The following OSBPL3 variants were observed in gnomAD, a reference collection of about 807,000 sequenced individuals.
The protein encoded by OSBPL3 is oxysterol binding protein like 3.
OSBPL3 carries 65 observed loss-of-function variants against 120.1 expected under a neutral mutation model. The observed-to-expected ratio is 0.54, with a 90% CI of 0.44 to 0.67. The LOEUF is 0.67. Among genes scored for constraint, OSBPL3 ranks in the 30% least tolerant of loss-of-function variants. The probability of loss-of-function intolerance (pLI) is 0.00; values close to 1 mark genes in which losing one functional copy is unlikely to be tolerated. For synonymous variants in OSBPL3, 416 were observed against 402.6 expected, an observed-to-expected ratio of 1.03 and a Z score of -0.40; for missense variants, 1,004 against 1,082.1, an observed-to-expected ratio of 0.93 and a Z score of 1.01.
At chr7:24,906,616 C>A (rs1807969298) in intron 1 of OSBPL3, 1 of 154,344 alleles carries the variant, frequency 6.5e-6, no homozygotes, top group African/African-American at 2.4e-5. Flanking sequence ...GGCCATTGGC[C>A]ACTCTGTTCC....
chr7:24,804,499 C>G lies in OSBPL3; in HGVS notation c.2445-62G>C. 6.6e-7 allele frequency: 1 copy of G among 1,515,784 alleles called. No homozygotes were observed. Among genetic ancestry groups the G allele is most frequent in the South Asian group, 1.2e-5 (1 of 85,674 alleles). 93.9% of individuals were successfully genotyped at this position (1,515,784 alleles called of 1,614,324 possible). On this transcript the variant is annotated intron_variant, in intron 21 of 22. Transcript: ENST00000313367. The surrounding 1 kb of genome is among the most constrained non-coding windows in gnomAD (Gnocchi z 5.4). ...ATTCAAGAAAACAAAACAATCATTA[C>G]TACTCAACTTGCATGTGTCCACGAC... is the stretch of plus-strand genomic sequence containing the variant.
chr7:24,958,254 T>C (rs1192320400), intron 1 of OSBPL3, among the ~76,000 whole-genome samples: 1 of 152,202 alleles, frequency 6.6e-6, no homozygotes, highest in Non-Finnish European at 1.5e-5. Flanking sequence ...ACACTGTTGT[T>C]AAATCTCAGT....
Position 24,872,448 on chromosome 7 carries a change from AGTGTGTGTGTGTGTGT to A in OSBPL3, c.97-395_97-380del, listed in dbSNP as rs371127031. Among the ~76,000 whole-genome samples the A allele has an allele frequency of 1.4e-5, 2 of 144,890 alleles. No homozygotes were observed. Among genetic ancestry groups the A allele is most frequent in the African/African-American group, 2.6e-5 (1 of 38,708 alleles). On this transcript the variant is annotated intron_variant, in intron 2 of 22. Transcript: ENST00000313367. This position sits in a 1 kb window ranked among gnomAD's most constrained non-coding sequence, Gnocchi z 4.1. ...TCAGTCTGAATTTTAACCGAAAGAGAGTGTGTGTGTGTGTGTGTGTGTGTGTGTGTGTGTGTGTGGT... is the reference window on the plus strand; with the variant it reads ...TCAGTCTGAATTTTAACCGAAAGAGAGTGTGTGTGTGTGTGTGTGTGTGGT...
At chr7:24,948,853 C>G (rs191006822) in intron 1 of OSBPL3, among the ~76,000 whole-genome samples, 1 of 152,302 alleles carries the variant, frequency 6.6e-6, no homozygotes, top group East Asian at 1.9e-4. Context: ...AATTATGAGT[C>G]ATCACAGGAA....
intron 10 of OSBPL3, among the ~76,000 whole-genome samples, chr7:24,858,710 A>G (rs922008880): frequency 6.6e-6 from 1 of 152,180 alleles, no homozygotes; most frequent in African/African-American, 2.4e-5. Context: ...GTTTTCACAA[A>G]GTGGGAAAGA....
intron 1 of OSBPL3, among the ~76,000 whole-genome samples, chr7:24,958,946 T>C (rs980039055): frequency 6.6e-6 from 1 of 152,198 alleles, no homozygotes; most frequent in African/African-American, 2.4e-5. Flanking sequence ...AACACTGAAA[T>C]TCTGGCTGGG....
In OSBPL3 at chr7:24,834,314, C is replaced by G. The variant is rs907546368; in HGVS notation, c.1746+172G>C. Reference sequence around the variant, plus strand: ...CCGTCTCCAAATCCTCACAAGGTGACTGGAAACAGCCAGGCGGAGGAAGCC... The same window carrying G: ...CCGTCTCCAAATCCTCACAAGGTGAGTGGAAACAGCCAGGCGGAGGAAGCC... On this transcript the variant is annotated intron_variant, in intron 15 of 22. Coordinates refer to ENST00000313367, the MANE Select transcript of OSBPL3 (RefSeq NM_015550.4). The surrounding 1 kb of genome is among the most constrained non-coding windows in gnomAD (Gnocchi z 5.2). 6.9e-7 allele frequency: 1 copy of G among 1,455,432 alleles called. No individual in the cohort carries two copies. Among genetic ancestry groups the G allele is most frequent in the Non-Finnish European group, 9.1e-7 (1 of 1,101,658 alleles). The allele number at this position is 1,455,432 out of a possible 1,614,324, so 90.2% of individuals were successfully genotyped here.
In OSBPL3 at chr7:24,953,537, A is replaced by C. The variant is rs2128501934; in HGVS notation, c.-150+26349T>G. Among the ~76,000 whole-genome samples, 1 of 152,370 alleles carries C rather than the reference A, an allele frequency of 6.6e-6. No homozygotes were observed. The highest frequency in any genetic ancestry group is 2.1e-4 in the South Asian group (1 of 4,832). On this transcript the variant is annotated intron_variant, in intron 1 of 22. Transcript: ENST00000313367. The surrounding 1 kb of genome is among the most constrained non-coding windows in gnomAD (Gnocchi z 4.3). ...TAATTGAACATTCATTATTACTCTC[A>C]GTATGAAAACTAAATAGATCATCAG...
intron 20 of OSBPL3, 107 bp downstream of exon 20, chr7:24,809,700 A>T: frequency 2.0e-6 from 2 of 1,002,616 alleles, no homozygotes; most frequent in Non-Finnish European, 1.5e-6. Context: ...AAAGCAGAAG[A>T]GGCTGGAGAT....
At position 24,913,946 on chromosome 7, in the gene OSBPL3, G is replaced by A. The variant is rs1391582185; in HGVS notation, c.-149-21325C>T. ...CTTTCCTAAGGAGCAGATTCATTAC[G>A]AAAGAGTCAAAATCGCAAGCACCAT... On this transcript the variant is annotated intron_variant, in intron 1 of 22. Coordinates refer to ENST00000313367, the MANE Select transcript of OSBPL3 (RefSeq NM_015550.4). This position sits in a 1 kb window ranked among gnomAD's most constrained non-coding sequence, Gnocchi z 5.3. Among the ~76,000 whole-genome samples the A allele has an allele frequency of 6.6e-6, 1 of 152,126 alleles. No homozygotes were observed. Among genetic ancestry groups the A allele is most frequent in the Non-Finnish European group, 1.5e-5 (1 of 68,034 alleles).
intron 14 of OSBPL3, among the ~76,000 whole-genome samples, chr7:24,839,991 C>CAAAAAAAAAAAAAAAAAAAAA (rs71675250): frequency 1.9e-5 from 1 of 53,268 alleles, no homozygotes; most frequent in Non-Finnish European, 3.3e-5. Flanking sequence ...CTCCATCTCA[C>CAAAAAAAAAAAAAAAAAAAAA]AAAAAAAAAA....
Position 24,953,709 on chromosome 7 carries a change from G to A in OSBPL3, c.-150+26177C>T, listed in dbSNP as rs1269936266. The stretch of plus-strand genomic sequence containing the variant: ...CTGGTACAGTAGGTGCCCAGTAAAC[G>A]CTGAACAAATGAATGAAAATAGAAC... On this transcript the variant is annotated intron_variant, in intron 1 of 22. Coordinates refer to ENST00000313367, the MANE Select transcript of OSBPL3 (RefSeq NM_015550.4). This position sits in a 1 kb window ranked among gnomAD's most constrained non-coding sequence, Gnocchi z 4.3. Among the ~76,000 whole-genome samples the A allele has an allele frequency of 1.3e-5, 2 of 152,084 alleles. No individual in the cohort carries two copies. Among genetic ancestry groups the A allele is most frequent in the African/African-American group, 2.4e-5 (1 of 41,402 alleles).
chr7:24,909,383 C>T (rs1808437157), intron 1 of OSBPL3, among the ~76,000 whole-genome samples: 1 of 152,160 alleles, frequency 6.6e-6, no homozygotes, highest in Admixed American at 6.5e-5. Context: ...AAGAGATACA[C>T]ATGTTCCCTG....
rs1305887025 is a variant in OSBPL3 at position 24,804,521 on chromosome 7, C to T, written c.2445-84G>A. ...TTACTACTCAACTTGCATGTGTCCA[C>T]GACTGGATATTCAAAATCCTCTCCT... On this transcript the variant is annotated intron_variant, in intron 21 of 22. Transcript: ENST00000313367. The surrounding 1 kb of genome is among the most constrained non-coding windows in gnomAD (Gnocchi z 5.4). 5.3e-6 allele frequency: 7 copies of T among 1,313,770 alleles called. No individual in the cohort carries two copies. In the East Asian group the frequency reaches 7.4e-5, roughly 14 times the overall value. The allele number at this position is 1,313,770 out of a possible 1,614,324, so 81.4% of individuals were successfully genotyped here. A position where few individuals can be genotyped will look rare whatever the true frequency, so the allele number is the denominator to read the frequency against.
rs1398643600 is a variant in OSBPL3 at position 24,862,177 on chromosome 7, C to T, written c.871-408G>A. ...CTGGGATTACAGGCGTGAGCCACCG[C>T]GCCCAGCCTAGGTAGGTCTTTCTAC... On this transcript the variant is annotated intron_variant, in intron 9 of 22. Coordinates refer to ENST00000313367, the MANE Select transcript of OSBPL3 (RefSeq NM_015550.4). The surrounding 1 kb of genome is among the most constrained non-coding windows in gnomAD (Gnocchi z 4.4). Among the ~76,000 whole-genome samples, 4 of 152,134 alleles carry T rather than the reference C, an allele frequency of 2.6e-5. No individual in the cohort carries two copies. The highest frequency in any genetic ancestry group is 1.3e-4 in the Admixed American group (2 of 15,276).
At chr7:24,807,629 T>C (rs1300719241) in intron 20 of OSBPL3, among the ~76,000 whole-genome samples, 1 of 152,210 alleles carries the variant, frequency 6.6e-6, no homozygotes, top group East Asian at 1.9e-4. Flanking sequence ...GAAACTCTGT[T>C]TAGTACCTAG....
chr7:24,825,362 A>G (rs556654764), intron 16 of OSBPL3, among the ~76,000 whole-genome samples: 1 of 152,304 alleles, frequency 6.6e-6, no homozygotes, highest in Admixed American at 6.5e-5. Context: ...AAGAGCTATT[A>G]AGGATGATGC....
In OSBPL3 at chr7:24,959,993, A is replaced by T. The variant is rs184501437; in HGVS notation, c.-150+19893T>A. 1.4e-4 allele frequency among the ~76,000 whole-genome samples: 21 copies of T among 152,352 alleles called. No homozygotes were observed. Among genetic ancestry groups the T allele is most frequent in the Non-Finnish European group, 2.9e-4 (20 of 68,028 alleles). Reference sequence around the variant, plus strand: ...CTGAGAGTAGGCAAAGATTGCAGAGAAAGATAAAAGAAAAGAATTTCCTTA... The same window carrying T: ...CTGAGAGTAGGCAAAGATTGCAGAGTAAGATAAAAGAAAAGAATTTCCTTA... On this transcript the variant is annotated intron_variant, in intron 1 of 22. Transcript: ENST00000313367. The surrounding 1 kb of genome is among the most constrained non-coding windows in gnomAD (Gnocchi z 4.3).
At chr7:24,949,730 A>G (rs576651290) in intron 1 of OSBPL3, among the ~76,000 whole-genome samples, 7 of 152,220 alleles carry the variant, frequency 4.6e-5, no homozygotes, top group Non-Finnish European at 7.4e-5. Flanking sequence ...CGGAAGTACA[A>G]ATGGCCCAGT....
Sources: gnomAD v4.1 joint callset for allele counts (sites outside exome capture counted in the v4.1 genomes callset) on GRCh38, gnomAD v4.1.1 for gene constraint, Gnocchi (gnomAD v3.1) non-coding constraint, MANE v1.5 for transcripts, NCBI Gene and HGNC (gene_info 2026-07-23, HGNC 2026-07-21) for gene names.